Variants in DNER observed in about 807,000 individuals in gnomAD.
The protein encoded by DNER is delta and Notch-like epidermal growth factor-related receptor.
A neutral mutation model predicts 78.2 loss-of-function variants in DNER; 33 were observed. The ratio of observed to expected loss-of-function variants is 0.42; its 90% CI spans 0.32 to 0.56. The LOEUF (loss-of-function observed/expected upper bound fraction) is 0.56, where lower values mean the gene tolerates loss of function less well. Among genes scored for constraint, DNER ranks in the 20% least tolerant of loss-of-function variants. The pLI is 0.11. For missense variants in DNER, 918 were observed against 975.3 expected, an observed-to-expected ratio of 0.94 and a Z score of 0.78; for synonymous variants, 417 against 384.8, an observed-to-expected ratio of 1.08 and a Z score of -0.98.
intron 11 of DNER, among the ~76,000 whole-genome samples, chr2:229,374,927 T>C (rs1692565040): frequency 2.0e-5 from 3 of 152,246 alleles, no homozygotes; most frequent in Admixed American, 2.0e-4. Flanking sequence ...TACTACTTAC[T>C]GTGGGTTGCA....
intron 9 of DNER, among the ~76,000 whole-genome samples, chr2:229,411,233 A>G (rs1455112691): frequency 6.6e-6 from 1 of 152,210 alleles, no homozygotes; most frequent in Admixed American, 6.5e-5. Flanking sequence ...CTTCCTTCCC[A>G]TTAAAATTTC....
chr2:229,487,406 A>G (rs1695299324), intron 6 of DNER, among the ~76,000 whole-genome samples: 1 of 152,084 alleles, frequency 6.6e-6, no homozygotes, highest in Non-Finnish European at 1.5e-5. Context: ...CAATATTGAT[A>G]CAGTCCATCT....
intron 1 of DNER, among the ~76,000 whole-genome samples, chr2:229,710,700 T>C (rs1466083445): frequency 1.3e-5 from 2 of 152,126 alleles, no homozygotes; most frequent in African/African-American, 4.8e-5. Flanking sequence ...CAGGGCAGTA[T>C]CAAAATGTGA....
At chr2:229,664,972 T>C (rs1338766908) in intron 1 of DNER, among the ~76,000 whole-genome samples, 1 of 152,218 alleles carries the variant, frequency 6.6e-6, no homozygotes, top group African/African-American at 2.4e-5. Context: ...AGAAGTAGAA[T>C]AGTCTCCCTT....
At chr2:229,496,583 A>G (rs1473763197) in intron 6 of DNER, among the ~76,000 whole-genome samples, 1 of 152,170 alleles carries the variant, frequency 6.6e-6, no homozygotes, top group Non-Finnish European at 1.5e-5. Context: ...AAGGACACAC[A>G]TAGATCCAAA....
At chr2:229,530,809 T>C (rs10177545) in intron 5 of DNER, among the ~76,000 whole-genome samples, 3,919 of 152,314 alleles carry the variant, frequency 0.026, 170 homozygotes, top group African/African-American at 0.089. Flanking sequence ...CTTCAAATGC[T>C]CATTATGTGA....
intron 7 of DNER, among the ~76,000 whole-genome samples, chr2:229,468,325 T>TG (rs1226271313): frequency 6.6e-6 from 1 of 152,208 alleles, no homozygotes; most frequent in African/African-American, 2.4e-5. Context: ...CATTACAGTT[T>TG]GGGGGGTCAT....
chr2:229,680,718 A>C (rs1191043845), intron 1 of DNER, among the ~76,000 whole-genome samples: 2 of 152,170 alleles, frequency 1.3e-5, no homozygotes, highest in East Asian at 3.9e-4. Context: ...GTTTGACAAA[A>C]CTAATGATTG....
chr2:229,627,122 TA>T (rs1176597114), intron 1 of DNER, among the ~76,000 whole-genome samples: 1 of 152,234 alleles, frequency 6.6e-6, no homozygotes, highest in East Asian at 1.9e-4. Context: ...CCTCAACTTG[TA>T]CTTCTAGTCC....
chr2:229,463,351 G>A (rs1296468822), intron 7 of DNER, among the ~76,000 whole-genome samples: 1 of 152,190 alleles, frequency 6.6e-6, no homozygotes, highest in African/African-American at 2.4e-5. Flanking sequence ...AAATTACAAT[G>A]AGGGAATATG....
chr2:229,427,327 C>T (rs1443058517), intron 8 of DNER, among the ~76,000 whole-genome samples: 2 of 152,192 alleles, frequency 1.3e-5, no homozygotes, highest in South Asian at 2.1e-4. Context: ...GTTGGTAATT[C>T]TCTGTTTCTC....
intron 1 of DNER, among the ~76,000 whole-genome samples, chr2:229,686,444 C>T (rs973663186): frequency 6.6e-6 from 1 of 152,200 alleles, no homozygotes; most frequent in Non-Finnish European, 1.5e-5. Flanking sequence ...CTCTGGCCAA[C>T]CTGACTTAGC....
rs1272474062 is a variant in DNER at position 229,714,304 on chromosome 2, C to A, written c.120G>T (p.Ala40=). ...CGCACGGCCCGGGCGCAGACAGGGG[C>A]GCGGCGGGCACCGGGTTGGCCAGGG... The part of the protein sequence containing the change: ...GSSLANPVPA[A]PLSAPGPCAA... Residue 40 remains alanine (A), a synonymous_variant, in exon 1 of 13, where the codon GCG becomes GCT. Coordinates refer to ENST00000341772, the MANE Select transcript of DNER (RefSeq NM_139072.4). 7.7e-7 allele frequency: 1 copy of A among 1,303,380 alleles called. No individual in the cohort carries two copies. Among genetic ancestry groups the A allele is most frequent in the Admixed American group, 3.8e-5 (1 of 26,042 alleles). 80.7% of individuals were successfully genotyped at this position (1,303,380 alleles called of 1,614,324 possible).
rs1699966224 is a variant in DNER, at chr2:229,714,550, G to A, written c.-127C>T. The A allele has an allele frequency of 3.1e-5, 31 of 1,009,502 alleles. No homozygotes were observed. Among genetic ancestry groups the A allele is most frequent in the Non-Finnish European group, 3.4e-5 (29 of 841,550 alleles). 62.5% of individuals were successfully genotyped at this position (1,009,502 alleles called of 1,614,324 possible). A position where few individuals can be genotyped will look rare whatever the true frequency, so the allele number is the denominator to read the frequency against. On this transcript the variant is annotated 5_prime_UTR_variant, in exon 1 of 13. Transcript: ENST00000341772. Reference sequence around the variant, plus strand: ...TGCTCCGCCGGGCCGGGCGCCTCCTGCAGCTGCGGGATCCGCGGTTCCCCG... The same window carrying A: ...TGCTCCGCCGGGCCGGGCGCCTCCTACAGCTGCGGGATCCGCGGTTCCCCG...
chr2:229,518,523 T>C (rs1402866056), intron 5 of DNER, among the ~76,000 whole-genome samples: 3 of 152,230 alleles, frequency 2.0e-5, no homozygotes, highest in African/African-American at 7.2e-5. Flanking sequence ...AAATAGGCTT[T>C]TATCTCAATC....
rs1370055430 is a variant in DNER, at chr2:229,704,486, A to G, written c.276+9662T>C. ...TCAGTTAGTGAAAGGACAAATTGTC[A>G]TCTAGCCATACAATGGATACTATTC... On this transcript the variant is annotated intron_variant, in intron 1 of 12. Transcript: ENST00000341772. 2.0e-5 allele frequency among the ~76,000 whole-genome samples: 3 copies of G among 152,278 alleles called. No individual in the cohort carries two copies. The East Asian group carries it at 5.8e-4, about 29-fold the overall frequency.
chr2:229,576,077 G>A (rs1221835502), intron 4 of DNER, among the ~76,000 whole-genome samples: 5 of 151,816 alleles, frequency 3.3e-5, no homozygotes, highest in East Asian at 1.9e-4. Context: ...GGTTCTCCCC[G>A]CTACACTCCC....
intron 8 of DNER, among the ~76,000 whole-genome samples, chr2:229,440,844 A>G (rs1265667820): frequency 1.3e-5 from 2 of 152,214 alleles, no homozygotes; most frequent in Non-Finnish European, 2.9e-5. Context: ...CCCGATCCTC[A>G]CATAAACGTT....
intron 10 of DNER, among the ~76,000 whole-genome samples, chr2:229,402,303 A>G (rs925146851): frequency 1.3e-5 from 2 of 152,232 alleles, no homozygotes; most frequent in African/African-American, 4.8e-5. Flanking sequence ...TATGACAAAC[A>G]ACCAAAATTT....
Sources: allele counts gnomAD v4.1 joint callset (sites outside exome capture counted in the v4.1 genomes callset), GRCh38; gene constraint gnomAD v4.1.1; transcripts MANE v1.5; gene names NCBI Gene and HGNC (gene_info 2026-07-23, HGNC 2026-07-21).